ADGRB3: variants seen among roughly 807,000 people sequenced by gnomAD.
ADGRB3 encodes the protein brain-specific angiogenesis inhibitor 3.
ADGRB3 carries 37 observed loss-of-function variants against 193.4 expected under a neutral mutation model. The ratio of observed to expected loss-of-function variants is 0.19; its 90% confidence interval spans 0.15 to 0.25. The LOEUF (loss-of-function observed/expected upper bound fraction) is 0.25. Ranked by LOEUF, ADGRB3 falls within the 10% of genes least tolerant of loss-of-function variation. The pLI, the probability that ADGRB3 is intolerant of heterozygous loss-of-function variation, is 1.00. For missense variants in ADGRB3, 1,637 were observed against 1,852.9 expected (o/e 0.88, Z 2.14); for synonymous variants, 690 against 644.2 (o/e 1.07, Z -1.08).
At chr6:68,770,464 C>T (rs1766596981) in intron 3 of ADGRB3, among the ~76,000 whole-genome samples, 1 of 152,044 alleles carries the variant, frequency 6.6e-6, no homozygotes, top group African/African-American at 2.4e-5. Flanking sequence ...GTTTGATCCA[C>T]ACTACTGACA....
chr6:69,385,959 A>T (rs187920858), intron 31 of ADGRB3, among the ~76,000 whole-genome samples: 1 of 152,084 alleles, frequency 6.6e-6, no homozygotes, highest in African/African-American at 2.4e-5. Context: ...TCTTGTTCCC[A>T]CTCTGACTTC....
Position 68,661,538 on chromosome 6 carries a change from C to CATATATATATATATATAT in ADGRB3, c.757+22122_757+22139dup, listed in dbSNP as rs66836065. On this transcript the variant is annotated intron_variant, in intron 3 of 31. Coordinates refer to ENST00000370598, the MANE Select transcript of ADGRB3 (RefSeq NM_001704.3). ...GTGTATACATATATATATGTGTATA[C>CATATATATATATATATAT]ATATATATATATATATATATATATA... 2.5e-4 allele frequency among the ~76,000 whole-genome samples: 23 copies of CATATATATATATATATAT among 91,820 alleles called. 1 individual carries two copies. In the East Asian group the frequency reaches 3.2e-3, roughly 13 times the overall value. The allele number at this position is 91,820 out of a possible 152,430, so 60.2% of individuals were successfully genotyped here. A position where few individuals can be genotyped will look rare whatever the true frequency, so the allele number is the denominator to read the frequency against.
intron 3 of ADGRB3, among the ~76,000 whole-genome samples, chr6:68,807,228 CTTTTTTCTTTTTTTT>C (rs1489690815): frequency 2.1e-4 from 20 of 94,670 alleles, no homozygotes; most frequent in Non-Finnish European, 3.0e-4. Context: ...TTTCTTTTTT[CTTTTTTCTTTTTTTT>C]TTTTTTTTTT....
At chr6:68,808,979 G>T (rs941240355) in intron 3 of ADGRB3, among the ~76,000 whole-genome samples, 1 of 152,160 alleles carries the variant, frequency 6.6e-6, no homozygotes, top group Non-Finnish European at 1.5e-5. Context: ...TAGCAACAAA[G>T]ATGAATTTTG....
chr6:68,960,174 T>C (rs747839438), intron 8 of ADGRB3, among the ~76,000 whole-genome samples: 8 of 152,158 alleles, frequency 5.3e-5, no homozygotes, highest in Admixed American at 2.0e-4. Flanking sequence ...ACTGCTAAGT[T>C]GGAACCTACC....
At chr6:68,833,574 T>TTTTTTTTTTTTTTTTTGAGACGGAGTC (rs1267000285) in intron 3 of ADGRB3, among the ~76,000 whole-genome samples, 1 of 150,594 alleles carries the variant, frequency 6.6e-6, no homozygotes, top group East Asian at 2.0e-4. Context: ...TATTCTTATA[T>TTTTTTTTTTTTTTTTTGAGACGGAGTC]TAAAGAATGA....
rs147683592 is a variant in ADGRB3, at chr6:69,331,197, C to A, written c.3102+625C>A. 3.9e-3 allele frequency among the ~76,000 whole-genome samples: 592 copies of A among 152,196 alleles called. 3 individuals carry two copies. The highest frequency in any genetic ancestry group is 0.013 in the African/African-American group (551 of 41,538). On this transcript the variant is annotated intron_variant, in intron 23 of 31. Coordinates refer to ENST00000370598, the MANE Select transcript of ADGRB3 (RefSeq NM_001704.3). ...AAATCATCTCTGTTTAAGAATCATT[C>A]CCATATGTTATAGATAAGGATTTTA...
intron 17 of ADGRB3, among the ~76,000 whole-genome samples, chr6:69,102,777 A>G (rs1011763430): frequency 6.6e-6 from 1 of 152,210 alleles, no homozygotes; most frequent in Non-Finnish European, 1.5e-5. Context: ...GTCCAGATAC[A>G]ACTGACCTCT....
chr6:68,939,226 C>T (rs1199906346), intron 5 of ADGRB3, among the ~76,000 whole-genome samples: 4 of 152,084 alleles, frequency 2.6e-5, no homozygotes, highest in South Asian at 2.1e-4. Flanking sequence ...TAAAGTTTTT[C>T]GTCCCCATTT....
At chr6:69,298,865 T>C (rs1767891814) in intron 20 of ADGRB3, among the ~76,000 whole-genome samples, 1 of 152,158 alleles carries the variant, frequency 6.6e-6, no homozygotes, top group African/African-American at 2.4e-5. Context: ...ATCTCTTCCA[T>C]ATACTGTTTT....
At chr6:69,379,223 A>G (rs1410220746) in intron 30 of ADGRB3, among the ~76,000 whole-genome samples, 1 of 152,026 alleles carries the variant, frequency 6.6e-6, no homozygotes, top group Non-Finnish European at 1.5e-5. Context: ...TAAATAGAAA[A>G]TCCACAGATT....
chr6:69,097,338 T>A (rs1002306302), intron 17 of ADGRB3, among the ~76,000 whole-genome samples: 1 of 152,218 alleles, frequency 6.6e-6, no homozygotes, highest in Non-Finnish European at 1.5e-5. Context: ...TTAAAGAAAG[T>A]ATTTTTTAAC....
intron 26 of ADGRB3, among the ~76,000 whole-genome samples, chr6:69,348,838 A>G (rs921940282): frequency 4.6e-5 from 7 of 152,190 alleles, no homozygotes; most frequent in Admixed American, 3.9e-4. Flanking sequence ...CTCATGTCTT[A>G]TTTTTTATCT....
intron 20 of ADGRB3, among the ~76,000 whole-genome samples, chr6:69,280,780 G>A (rs924306898): frequency 4.6e-5 from 7 of 151,934 alleles, no homozygotes; most frequent in Non-Finnish European, 5.9e-5. Context: ...CTATCCTGTA[G>A]CTCTAAACAG....
At chr6:69,288,216 G>C (rs1359248523) in intron 20 of ADGRB3, among the ~76,000 whole-genome samples, 1 of 152,090 alleles carries the variant, frequency 6.6e-6, no homozygotes, top group Non-Finnish European at 1.5e-5. Context: ...CCCGCTAACA[G>C]GCCCCGGGGT....
intron 17 of ADGRB3, among the ~76,000 whole-genome samples, chr6:69,155,147 C>T (rs1774798979): frequency 1.3e-5 from 2 of 152,148 alleles, no homozygotes; most frequent in Admixed American, 1.3e-4. Context: ...AGCTATTAAC[C>T]TAAGGTGACA....
At chr6:68,910,922 G>GT (rs1487414751) in intron 3 of ADGRB3, among the ~76,000 whole-genome samples, 10 of 152,124 alleles carry the variant, frequency 6.6e-5, no homozygotes, top group African/African-American at 2.4e-4. Flanking sequence ...CTTTAAAGTA[G>GT]TTTTTTCCAA....
intron 3 of ADGRB3, among the ~76,000 whole-genome samples, chr6:68,749,924 A>G (rs1388049558): frequency 2.6e-5 from 4 of 152,190 alleles, no homozygotes; most frequent in Admixed American, 2.6e-4. Context: ...ATAACAAATG[A>G]GTTAACAATT....
At chr6:69,313,420 A>C (rs896561599) in intron 20 of ADGRB3, among the ~76,000 whole-genome samples, 3 of 151,892 alleles carry the variant, frequency 2.0e-5, no homozygotes, top group Non-Finnish European at 4.4e-5. Flanking sequence ...TGATAAACAG[A>C]ATAAATAAAT....
Sources: gnomAD v4.1 joint callset for allele counts (sites outside exome capture counted in the v4.1 genomes callset) on GRCh38, gnomAD v4.1.1 for gene constraint, MANE v1.5 for transcripts, NCBI Gene and HGNC (gene_info 2026-07-23, HGNC 2026-07-21) for gene names.